Variants in ALPL observed in about 807,000 individuals in gnomAD.
The protein encoded by ALPL is alkaline phosphatase, biomineralization associated, also known as alkaline phosphatase, tissue-nonspecific isozyme.
Under a neutral mutation model 51.3 loss-of-function variants are expected in ALPL, and 42 were observed. The observed-to-expected ratio is 0.82, with a 90% CI of 0.64 to 1.06. The LOEUF (loss-of-function observed/expected upper bound fraction) is 1.06, where lower values mean the gene tolerates loss of function less well. ALPL is among the 50% of genes least tolerant of loss of function. The pLI is 0.00. For synonymous variants in ALPL, 279 were observed against 296.4 expected, an observed-to-expected ratio of 0.94 and a Z score of 0.60; for missense variants, 589 against 709.4, an observed-to-expected ratio of 0.83 and a Z score of 1.93.
chr1:21,564,409 G>T lies in ALPL; in HGVS notation c.648+193G>T, dbSNP rs980151458. Among the ~76,000 whole-genome samples, 4 of 152,242 alleles carry T rather than the reference G, an allele frequency of 2.6e-5. No individual in the cohort carries two copies. Among genetic ancestry groups the T allele is most frequent in the Admixed American group, 2.6e-4 (4 of 15,304 alleles). On this transcript the variant is annotated intron_variant, in intron 6 of 11. Coordinates refer to ENST00000374840, the MANE Select transcript of ALPL (RefSeq NM_000478.6). This position sits in a 1 kb window ranked among gnomAD's most constrained non-coding sequence, Gnocchi z 5.8. The stretch of plus-strand genomic sequence containing the variant: ...TGGGATTTCTCTGCGGTGGGGCTGC[G>T]GGGTGAACCCTCATGTGACCGCCAC...
intron 1 of ALPL, among the ~76,000 whole-genome samples, chr1:21,549,207 G>A (rs1484191117): frequency 6.7e-6 from 1 of 149,696 alleles, no homozygotes; most frequent in Non-Finnish European, 1.5e-5. Context: ...ATCGTTTTCT[G>A]TGACCCCATT....
At chr1:21,562,306 G>A (rs1443260405) in intron 4 of ALPL, among the ~76,000 whole-genome samples, 3 of 152,208 alleles carry the variant, frequency 2.0e-5, no homozygotes, top group Non-Finnish European at 4.4e-5. Context: ...CTTGACACAG[G>A]GTTGCCACAG....
Position 21,509,702 on chromosome 1 carries a change from C to T in ALPL, c.-105+185C>T, listed in dbSNP as rs1332002208. On this transcript the variant is annotated intron_variant, in intron 1 of 11. Transcript: ENST00000374840. This position sits in a 1 kb window ranked among gnomAD's most constrained non-coding sequence, Gnocchi z 6.0. ...GCAATTGGTCCTGCCCCTGTCCTCC[C>T]GCGCATCCCAAGCTCCCGGCGCGCG... Among the ~76,000 whole-genome samples, 1 of 152,146 alleles carries T rather than the reference C, an allele frequency of 6.6e-6. No individual in the cohort carries two copies. The highest frequency in any genetic ancestry group is 1.5e-5 in the Non-Finnish European group (1 of 68,018).
In ALPL at chr1:21,532,194, T is replaced by A. The variant is rs183371917; in HGVS notation, c.-104-21784T>A. 4.6e-4 allele frequency among the ~76,000 whole-genome samples: 70 copies of A among 152,264 alleles called. 1 individual carries two copies. The highest frequency in any genetic ancestry group is 8.1e-4 in the Non-Finnish European group (55 of 68,018). ...AATAAAAAGACCAAGATTTTTTTTT[T>A]AATTTTTTATTTTTTGAAATGGAGT... On this transcript the variant is annotated intron_variant, in intron 1 of 11. Transcript: ENST00000374840.
intron 1 of ALPL, among the ~76,000 whole-genome samples, chr1:21,525,117 A>T (rs1643924925): frequency 2.0e-5 from 3 of 152,164 alleles, no homozygotes; most frequent in Admixed American, 2.0e-4. Context: ...CTTTTCAACA[A>T]CCAAATCCCT....
At chr1:21,555,863 C>T (rs1010214904) in intron 2 of ALPL, among the ~76,000 whole-genome samples, 3 of 151,976 alleles carry the variant, frequency 2.0e-5, no homozygotes, top group Admixed American at 1.3e-4. Flanking sequence ...CTCCATCTCC[C>T]GGGTTCACGC....
chr1:21,525,250 G>A (rs1270690606), intron 1 of ALPL, among the ~76,000 whole-genome samples: 2 of 152,236 alleles, frequency 1.3e-5, no homozygotes, highest in Non-Finnish European at 2.9e-5. Context: ...GAGCTCAGCT[G>A]GGCAAGGCCC....
In ALPL at chr1:21,563,236, AC is replaced by A. The variant is rs760134827; in HGVS notation, c.427del (p.Gln143ArgfsTer22). On this transcript the variant is annotated frameshift_variant, in exon 5 of 12. Transcript: ENST00000374840. LOFTEE classifies it high-confidence loss of function. ...AATERSRCNTTQGNEVTSILR... is the reference protein window; with the variant it reads ...AATERSRCNTXQGNEVTSILR... ...CACTGAGCGTTCCCGGTGCAACACC[AC>A]CCAGGGGAACGAGGTCACCTCCATC... The A allele has an allele frequency of 1.2e-6, 2 of 1,613,738 alleles. No individual in the cohort carries two copies. Among genetic ancestry groups the A allele is most frequent in the Non-Finnish European group, 1.7e-6 (2 of 1,179,930 alleles).
chr1:21,537,139 G>A (rs983571372), intron 1 of ALPL, among the ~76,000 whole-genome samples: 1 of 151,964 alleles, frequency 6.6e-6, no homozygotes, highest in Non-Finnish European at 1.5e-5. Context: ...CTTGTGATCT[G>A]CCCGCCTCGG....
chr1:21,539,656 C>CA (rs1436622045), intron 1 of ALPL, among the ~76,000 whole-genome samples: 1 of 133,672 alleles, frequency 7.5e-6, no homozygotes. Context: ...TTTCTTTTTC[C>CA]TTTTTTTTTT....
At chr1:21,554,264 C>A in intron 2 of ALPL, 122 bp downstream of exon 2, 1 of 1,047,698 alleles carries the variant, frequency 9.5e-7, no homozygotes, top group Non-Finnish European at 1.5e-6. Context: ...AAACAGTGTT[C>A]AGAGCAGGAA....
At chr1:21,551,055 T>C (rs186162279) in intron 1 of ALPL, among the ~76,000 whole-genome samples, 2 of 152,188 alleles carry the variant, frequency 1.3e-5, no homozygotes, top group African/African-American at 2.4e-5. Flanking sequence ...GGTTTTCCCA[T>C]GCGCTGTGCC....
At position 21,577,803 on chromosome 1, in the gene ALPL, C is replaced by T. The variant is rs1297865325; in HGVS notation, c.*155C>T. The T allele has an allele frequency of 2.9e-6, 3 of 1,045,082 alleles. No homozygotes were observed. The highest frequency in any genetic ancestry group is 3.2e-5 in the African/African-American group (2 of 62,398). 64.7% of individuals were successfully genotyped at this position (1,045,082 alleles called of 1,614,324 possible). Reference sequence around the variant, plus strand: ...ACCAAAGTCTGCCGCCCACCTCGCTCCCCTCTGGAATCTTCCCCAAGGGCC... The same window carrying T: ...ACCAAAGTCTGCCGCCCACCTCGCTTCCCTCTGGAATCTTCCCCAAGGGCC... On this transcript the variant is annotated 3_prime_UTR_variant, in exon 12 of 12. Transcript: ENST00000374840.
intron 2 of ALPL, among the ~76,000 whole-genome samples, chr1:21,559,255 G>C (rs749059940): frequency 2.6e-5 from 4 of 152,182 alleles, no homozygotes; most frequent in African/African-American, 9.6e-5. Context: ...AGATCTGATA[G>C]GGCCCTGGGA....
chr1:21,532,364 G>A (rs1312449616), intron 1 of ALPL, among the ~76,000 whole-genome samples: 1 of 151,898 alleles, frequency 6.6e-6, no homozygotes, highest in African/African-American at 2.4e-5. Context: ...GCTAATTTTT[G>A]TATTTTTGTA....
chr1:21,554,012 G>GGCCCCCCCCC lies in ALPL; in HGVS notation c.-70_-69insGCCCCCCCCC. ...ATCAGTTAACATCTGACCACTGCCAGCCCACCCCCTCCCACCCACGTCGAT... is the reference window on the plus strand; with the variant it reads ...ATCAGTTAACATCTGACCACTGCCAGGCCCCCCCCCCCCACCCCCTCCCACCCACGTCGAT... On this transcript the variant is annotated 5_prime_UTR_variant, in exon 2 of 12. Transcript: ENST00000374840. The GGCCCCCCCCC allele has an allele frequency of 1.0e-6, 1 of 995,210 alleles. No homozygotes were observed. 61.6% of individuals were successfully genotyped at this position (995,210 alleles called of 1,614,324 possible).
chr1:21,537,193 G>T (rs937195213), intron 1 of ALPL, among the ~76,000 whole-genome samples: 1 of 152,176 alleles, frequency 6.6e-6, no homozygotes, highest in African/African-American at 2.4e-5. Context: ...ACCGTGCCCG[G>T]CCAGGTTCCT....
At chr1:21,559,011 G>C (rs1315986738) in intron 2 of ALPL, among the ~76,000 whole-genome samples, 2 of 152,254 alleles carry the variant, frequency 1.3e-5, no homozygotes, top group Middle Eastern at 3.4e-3. Flanking sequence ...CTGGCATCTC[G>C]CCCAGAGCCA....
At chr1:21,526,379 A>T (rs1045149498) in intron 1 of ALPL, among the ~76,000 whole-genome samples, 3 of 152,152 alleles carry the variant, frequency 2.0e-5, no homozygotes, top group African/African-American at 7.2e-5. Context: ...ACCTCAGGTG[A>T]TCTGCCTGCC....
Sources: gnomAD v4.1 joint callset for allele counts (sites outside exome capture counted in the v4.1 genomes callset) on GRCh38, gnomAD v4.1.1 for gene constraint, Gnocchi (gnomAD v3.1) non-coding constraint, MANE v1.5 for transcripts, NCBI Gene and HGNC (gene_info 2026-07-23, HGNC 2026-07-21) for gene names.